The following LRRC4C variants were observed in gnomAD, a reference collection of about 807,000 sequenced individuals.
LRRC4C encodes leucine rich repeat containing 4C, also known as leucine-rich repeat-containing protein 4C.
In LRRC4C, 5 loss-of-function variants were observed where a neutral mutation model predicts 33.6. That is an observed-to-expected ratio of 0.15 (90% CI 0.08 to 0.31). The LOEUF is 0.31. Among genes scored for constraint, LRRC4C ranks in the 10% least tolerant of loss-of-function variants. The pLI is 1.00. For missense variants in LRRC4C, 560 were observed against 796.7 expected (o/e 0.70, Z 3.58); for synonymous variants, 329 against 302.0 (o/e 1.09, Z -0.93).
At chr11:40,243,889 G>A (rs1301493888) in intron 4 of LRRC4C, among the ~76,000 whole-genome samples, 34 of 148,292 alleles carry the variant, frequency 2.3e-4, no homozygotes, top group African/African-American at 8.0e-4. Context: ...TGGTAGAGAC[G>A]GAGTTTCACC....
At chr11:41,168,750 G>C (rs1405589972) in intron 1 of LRRC4C, among the ~76,000 whole-genome samples, 2 of 151,858 alleles carry the variant, frequency 1.3e-5, no homozygotes, top group Non-Finnish European at 2.9e-5. Flanking sequence ...CTTTTCACAG[G>C]GGTAGCTCAT....
intron 6 of LRRC4C, among the ~76,000 whole-genome samples, chr11:40,134,327 G>C (rs1055810115): frequency 2.6e-5 from 4 of 152,208 alleles, no homozygotes; most frequent in African/African-American, 9.7e-5. Context: ...ATAGGCAGTG[G>C]AGTAGTAAGT....
At chr11:40,411,969 A>G (rs1014295857) in intron 3 of LRRC4C, among the ~76,000 whole-genome samples, 1 of 151,990 alleles carries the variant, frequency 6.6e-6, no homozygotes, top group Non-Finnish European at 1.5e-5. Context: ...AGACTTATTG[A>G]GGTTTAGTAA....
At chr11:41,026,383 C>T (rs531726961) in intron 1 of LRRC4C, among the ~76,000 whole-genome samples, 29 of 151,486 alleles carry the variant, frequency 1.9e-4, no homozygotes, top group Admixed American at 1.4e-3. Flanking sequence ...AAAAGTGGTG[C>T]CTGAAAATAC....
chr11:40,420,533 A>C (rs565706845), intron 3 of LRRC4C, among the ~76,000 whole-genome samples: 30 of 152,344 alleles, frequency 2.0e-4, no homozygotes, highest in African/African-American at 7.0e-4. Flanking sequence ...TATTTAAAAA[A>C]AATTGAATCT....
At chr11:40,781,807 G>C (rs1353171252) in intron 2 of LRRC4C, among the ~76,000 whole-genome samples, 2 of 152,100 alleles carry the variant, frequency 1.3e-5, no homozygotes, top group African/African-American at 4.8e-5. Context: ...ATAGCTCTTA[G>C]TTCACACCTA....
rs913458127 is a variant in LRRC4C, at chr11:41,106,522, A to T, written c.-495-172799T>A. On this transcript the variant is annotated intron_variant, in intron 1 of 6. Coordinates refer to ENST00000528697, the MANE Select transcript of LRRC4C (RefSeq NM_001258419.2). ...TGTCACCTAACAAGTAACAGGTAAT[A>T]TCCAGGACTATGTAATTCATAAGTC... Among the ~76,000 whole-genome samples the T allele has an allele frequency of 2.0e-5, 3 of 152,062 alleles. No individual in the cohort carries two copies. In the South Asian group the frequency reaches 6.2e-4, roughly 32 times the overall value.
At chr11:41,405,367 C>T (rs1954191760) in intron 1 of LRRC4C, among the ~76,000 whole-genome samples, 1 of 152,012 alleles carries the variant, frequency 6.6e-6, no homozygotes, top group Admixed American at 6.6e-5. Flanking sequence ...AAAGTTTCTT[C>T]CCTGTGTCAT....
intron 1 of LRRC4C, among the ~76,000 whole-genome samples, chr11:41,139,817 AC>A (rs1264063013): frequency 2.0e-5 from 3 of 152,180 alleles, no homozygotes; most frequent in African/African-American, 7.2e-5. Flanking sequence ...GGGTGGGGAT[AC>A]TGCTAGCCTC....
chr11:41,264,095 A>AT (rs371070496), intron 1 of LRRC4C, among the ~76,000 whole-genome samples: 109,334 of 142,682 alleles, frequency 0.77, 41,992 homozygotes, highest in East Asian at 0.94. Flanking sequence ...CTTTTTATTA[A>AT]TTTTTTTTTT....
intron 4 of LRRC4C, among the ~76,000 whole-genome samples, chr11:40,244,705 T>G (rs1866190129): frequency 6.6e-6 from 1 of 152,130 alleles, no homozygotes; most frequent in Non-Finnish European, 1.5e-5. Context: ...TTTTTTGAGT[T>G]GATTTTCAGC....
intron 1 of LRRC4C, among the ~76,000 whole-genome samples, chr11:40,948,578 T>G (rs1008293583): frequency 7.1e-6 from 1 of 141,558 alleles, no homozygotes; most frequent in African/African-American, 2.6e-5. Context: ...CCATGTGTTC[T>G]CATTGTTCAA....
intron 2 of LRRC4C, among the ~76,000 whole-genome samples, chr11:40,879,037 T>A (rs1359467713): frequency 6.6e-6 from 1 of 152,116 alleles, no homozygotes; most frequent in Non-Finnish European, 1.5e-5. Flanking sequence ...ATGACGGACA[T>A]CTTTAAAAAC....
intron 2 of LRRC4C, among the ~76,000 whole-genome samples, chr11:40,833,122 A>C (rs1410165232): frequency 6.6e-6 from 1 of 152,160 alleles, no homozygotes; most frequent in African/African-American, 2.4e-5. Flanking sequence ...AATAGTTACA[A>C]AGGCATAGTG....
intron 3 of LRRC4C, among the ~76,000 whole-genome samples, chr11:40,545,135 T>C (rs1956863636): frequency 6.6e-6 from 1 of 152,024 alleles, no homozygotes; most frequent in African/African-American, 2.4e-5. Flanking sequence ...TCAATTTCTC[T>C]CCCATATTTT....
intron 2 of LRRC4C, among the ~76,000 whole-genome samples, chr11:40,716,263 T>C (rs2136639799): frequency 6.6e-6 from 1 of 152,254 alleles, no homozygotes; most frequent in East Asian, 1.9e-4. Flanking sequence ...AGCTGGGTGG[T>C]AGATACATGA....
At chr11:41,178,868 A>C (rs1455707776) in intron 1 of LRRC4C, among the ~76,000 whole-genome samples, 1 of 152,056 alleles carries the variant, frequency 6.6e-6, no homozygotes, top group Admixed American at 6.6e-5. Flanking sequence ...ATGCCCAGCT[A>C]ATTTTTGCAT....
At chr11:40,266,940 C>T (rs1038178355) in intron 4 of LRRC4C, among the ~76,000 whole-genome samples, 1 of 122,140 alleles carries the variant, frequency 8.2e-6, no homozygotes, top group East Asian at 2.6e-4. Flanking sequence ...ACACACCACA[C>T]CCACCCACCC....
intron 3 of LRRC4C, among the ~76,000 whole-genome samples, chr11:40,548,516 C>T (rs950966221): frequency 6.6e-6 from 1 of 152,000 alleles, no homozygotes; most frequent in Non-Finnish European, 1.5e-5. Flanking sequence ...ATGGTGACAC[C>T]TTGATTATTT....
Sources: gnomAD v4.1 joint callset for allele counts (sites outside exome capture counted in the v4.1 genomes callset) on GRCh38, gnomAD v4.1.1 for gene constraint, MANE v1.5 for transcripts, NCBI Gene and HGNC (gene_info 2026-07-23, HGNC 2026-07-21) for gene names.